ZNF468: variants seen among roughly 807,000 people sequenced by gnomAD.
ZNF468 encodes the protein zinc finger protein ZNF468.
ZNF468 carries 8 observed loss-of-function variants against 7.2 expected under a neutral mutation model. The ratio of observed to expected loss-of-function variants is 1.11; its 90% CI spans 0.65 to 2.01. The LOEUF (loss-of-function observed/expected upper bound fraction) is 2.01, where lower values mean the gene tolerates loss of function less well. ZNF468 is among the 30% of genes most tolerant of loss of function. ZNF468 has a pLI of 0.00. For missense variants in ZNF468, 608 were observed against 626.5 expected (o/e 0.97, Z 0.31); for synonymous variants, 218 against 214.4 (o/e 1.02, Z -0.15).
In ZNF468 at chr19:52,840,163, T is replaced by G; in HGVS notation, c.*562A>C. ...GTGAATTCTCCTATGTATTTGAAGC[T>G]GGATTTGTGAATGAAAACTTTGTCA... On this transcript the variant is annotated 3_prime_UTR_variant, in exon 4 of 4. Coordinates refer to ENST00000595646, the MANE Select transcript of ZNF468 (RefSeq NM_001008801.2). The G allele has an allele frequency of 2.4e-6, 1 of 412,026 alleles. No individual in the cohort carries two copies. Among genetic ancestry groups the G allele is most frequent in the Non-Finnish European group, 4.6e-6 (1 of 218,030 alleles). The allele number at this position is 412,026 out of a possible 1,614,324, so 25.5% of individuals were successfully genotyped here.
Position 52,838,330 on chromosome 19 carries a change from T to C in ZNF468, c.*2395A>G, listed in dbSNP as rs1345144001. The C allele has an allele frequency of 1.3e-5, 2 of 152,028 alleles. No homozygotes were observed. Among genetic ancestry groups the C allele is most frequent in the African/African-American group, 2.4e-5 (1 of 41,370 alleles). 9.4% of individuals were successfully genotyped at this position (152,028 alleles called of 1,614,324 possible). On this transcript the variant is annotated 3_prime_UTR_variant, in exon 4 of 4. Transcript: ENST00000595646. ...GTCATCATAGAAATCCCACACAAAATAGATACAGAAGAAAATTTACCTCAG... is the reference window on the plus strand; with the variant it reads ...GTCATCATAGAAATCCCACACAAAACAGATACAGAAGAAAATTTACCTCAG...
chr19:52,856,981 T>C (rs774649906), intron 1 of ZNF468, among the ~76,000 whole-genome samples: 2 of 151,828 alleles, frequency 1.3e-5, no homozygotes, highest in East Asian at 3.9e-4. Context: ...ATTTTCCAAG[T>C]GCTGGAGCTG....
At chr19:52,848,153 C>T (rs1321728355) in intron 3 of ZNF468, among the ~76,000 whole-genome samples, 1 of 152,210 alleles carries the variant, frequency 6.6e-6, no homozygotes, top group Non-Finnish European at 1.5e-5. Context: ...TTCCACTCTG[C>T]CCATCTGAGC....
At position 52,841,043 on chromosome 19, in the gene ZNF468, G is replaced by C. The variant is rs1187491512; in HGVS notation, c.1251C>G (p.Cys417Trp). ...GEKPYKCEEC[C>W]KVFSRKSNLE... The stretch of plus-strand genomic sequence containing the variant: ...GGTTTGATTTGCGACTGAAAACTTT[G>C]CAACATTCTTCACATTTGTAAGGTT... The change falls in exon 4 of 4, where the codon TGC becomes TGG. Residue 417 changes from cysteine (C) to tryptophan (W), a missense_variant. By Grantham distance (215) the Cys-to-Trp change is radical. Transcript: ENST00000595646. 5.6e-6 allele frequency: 9 copies of C among 1,612,876 alleles called. No individual in the cohort carries two copies. The highest frequency in any genetic ancestry group is 4.0e-5 in the African/African-American group (3 of 74,800).
intron 1 of ZNF468, among the ~76,000 whole-genome samples, chr19:52,857,363 G>A (rs576375683): frequency 3.2e-4 from 48 of 152,196 alleles, no homozygotes; most frequent in East Asian, 2.5e-3. Context: ...ATTGCCCTAT[G>A]GCAGAAAGAC....
intron 3 of ZNF468, among the ~76,000 whole-genome samples, chr19:52,842,592 A>C (rs2063313477): frequency 6.6e-6 from 1 of 152,062 alleles, no homozygotes; most frequent in Non-Finnish European, 1.5e-5. Flanking sequence ...CTCTTGTAAG[A>C]ATAACCAAAA....
chr19:52,842,117 C>G lies in ZNF468; in HGVS notation c.177G>C (p.Ser59=). ...ISSKCMLKTL[S]STGQGNTEVI... ...CTTCTGTATTGCCTTGCCCTGTTGA[C>G]GACAACGTCTTCAACATGCATTTGG... is the stretch of plus-strand genomic sequence containing the variant. The change falls in exon 4 of 4, where the codon TCG becomes TCC. Residue 59 remains serine (S), a synonymous_variant. Coordinates refer to ENST00000595646, the MANE Select transcript of ZNF468 (RefSeq NM_001008801.2). The G allele has an allele frequency of 6.3e-7, 1 of 1,595,906 alleles. No individual in the cohort carries two copies. Among genetic ancestry groups the G allele is most frequent in the South Asian group, 1.1e-5 (1 of 88,480 alleles).
chr19:52,857,155 C>T (rs7257101), intron 1 of ZNF468, among the ~76,000 whole-genome samples: 87 of 151,914 alleles, frequency 5.7e-4, no homozygotes, highest in African/African-American at 1.9e-3. Context: ...GGGTGGGATC[C>T]GCAGGATCCC....
Position 52,849,136 on chromosome 19 carries a change from A to C in ZNF468, c.93T>G (p.Thr31=), listed in dbSNP as rs749188737. The change falls in exon 3 of 4, where the codon ACT becomes ACG. Residue 31 remains threonine, a synonymous_variant. Coordinates refer to ENST00000595646, the MANE Select transcript of ZNF468 (RefSeq NM_001008801.2). ...TCTCCAGCATCACGTCCCTGTATAA[A>C]GTCCTCTGAGCAGGGTCCAGGCATT... ...EWKCLDPAQR[T]LYRDVMLENY... is the part of the protein sequence containing the mutation. 2 of 1,614,024 alleles carry C rather than the reference A, an allele frequency of 1.2e-6. No individual in the cohort carries two copies. Among genetic ancestry groups the C allele is most frequent in the South Asian group, 2.2e-5 (2 of 91,072 alleles).
At chr19:52,850,644 A>G (rs1382200956) in intron 2 of ZNF468, among the ~76,000 whole-genome samples, 2 of 152,134 alleles carry the variant, frequency 1.3e-5, no homozygotes, top group Non-Finnish European at 2.9e-5. Context: ...TCACGCCTGT[A>G]ATCCCAGCAC....
rs1016383661 is a variant in ZNF468 at position 52,838,931 on chromosome 19, T to C, written c.*1794A>G. 6.6e-6 allele frequency: 1 copy of C among 152,150 alleles called. No homozygotes were observed. The highest frequency in any genetic ancestry group is 2.4e-5 in the African/African-American group (1 of 41,414). 9.4% of individuals were successfully genotyped at this position (152,150 alleles called of 1,614,324 possible). A position where few individuals can be genotyped will look rare whatever the true frequency, so the allele number is the denominator to read the frequency against. On this transcript the variant is annotated 3_prime_UTR_variant, in exon 4 of 4. Transcript: ENST00000595646. ...TGATTTAGATTCGGTACAATACTCA[T>C]AGAAGTCTCTATAACTTTTTGTTAA...
In ZNF468 at chr19:52,839,844, A is replaced by C; in HGVS notation, c.*881T>G. 4.8e-6 allele frequency: 3 copies of C among 621,218 alleles called. No homozygotes were observed. The highest frequency in any genetic ancestry group is 8.4e-6 in the Non-Finnish European group (3 of 358,052). 38.5% of individuals were successfully genotyped at this position (621,218 alleles called of 1,614,324 possible). A position where few individuals can be genotyped will look rare whatever the true frequency, so the allele number is the denominator to read the frequency against. ...AAATGCAAGGCATGAACGATGTCTG[A>C]AAAATTTGCCACATTTATTACACTT... On this transcript the variant is annotated 3_prime_UTR_variant, in exon 4 of 4. Transcript: ENST00000595646.
intron 2 of ZNF468, among the ~76,000 whole-genome samples, chr19:52,850,865 C>CCGCAG (rs1568681948): frequency 1.3e-5 from 2 of 151,814 alleles, no homozygotes; most frequent in Admixed American, 6.6e-5. Flanking sequence ...CGCCACTGCA[C>CCGCAG]TCCAGCCTGG....
intron 3 of ZNF468, among the ~76,000 whole-genome samples, chr19:52,842,434 C>A (rs1391989796): frequency 6.6e-6 from 1 of 151,988 alleles, no homozygotes; most frequent in African/African-American, 2.4e-5. Context: ...CCACTGTGAC[C>A]CTAAAGTGTG....
intron 1 of ZNF468, among the ~76,000 whole-genome samples, chr19:52,856,294 G>C (rs945275479): frequency 1.3e-5 from 2 of 151,988 alleles, no homozygotes; most frequent in East Asian, 1.9e-4. Flanking sequence ...GTGGAGGTGG[G>C]TGGATTACCT....
chr19:52,854,056 C>T, intron 2 of ZNF468: 5 of 1,504,946 alleles, frequency 3.3e-6, no homozygotes, highest in Non-Finnish European at 4.4e-6. Context: ...CCAGGACCTG[C>T]CCAGTGCAGC....
Position 52,841,172 on chromosome 19 carries a change from A to T in ZNF468, c.1122T>A (p.His374Gln). The T allele has an allele frequency of 6.2e-7, 1 of 1,612,558 alleles. No homozygotes were observed. The highest frequency in any genetic ancestry group is 8.5e-7 in the Non-Finnish European group (1 of 1,179,404). Residue 374 changes from histidine to glutamine, a missense_variant, in exon 4 of 4, where the codon CAT becomes CAA. By Grantham distance (24) the His-to-Gln change is conservative (BLOSUM62 0). Coordinates refer to ENST00000595646, the MANE Select transcript of ZNF468 (RefSeq NM_001008801.2). Reference protein sequence around the residue: ...FNRLSTLARHHRLHTGEKPYK... With the variant: ...FNRLSTLARHQRLHTGEKPYK... ...AAGGTTTCTCTCCAGTATGAAGTCT[A>T]TGATGGCGTGCAAGGGTTGATAGTC...
At position 52,841,617 on chromosome 19, in the gene ZNF468, CA is replaced by C. The variant is rs773464176; in HGVS notation, c.676del (p.Cys226AlafsTer5). On this transcript the variant is annotated frameshift_variant, in exon 4 of 4. Transcript: ENST00000595646. LOFTEE classifies it low-confidence loss of function (END_TRUNC). Reference sequence around the variant, plus strand: ...CTGATGTTTTTTTAAGAGTGAGCTGCAATTAAAGGATTTGAAGCTCTGTATA... The same window carrying C: ...CTGATGTTTTTTTAAGAGTGAGCTGCATTAAAGGATTTGAAGCTCTGTATA... Reference protein sequence around the residue: ...ECIQSFKSFNCSSLLKKHQII... With the variant: ...ECIQSFKSFNXSSLLKKHQII... 1.4e-4 allele frequency: 218 copies of C among 1,613,802 alleles called. No individual in the cohort carries two copies. The highest frequency in any genetic ancestry group is 1.7e-4 in the Non-Finnish European group (205 of 1,179,978).
rs560984762 is a variant in ZNF468, at chr19:52,839,563, G to C, written c.*1162C>G. ...CAACTGTCTCCAAAAGGAATTGTCT[G>C]ATGGTCTGCAAGGAGTGACCTTGGA... On this transcript the variant is annotated 3_prime_UTR_variant, in exon 4 of 4. Coordinates refer to ENST00000595646, the MANE Select transcript of ZNF468 (RefSeq NM_001008801.2). The C allele has an allele frequency of 1.9e-6, 1 of 521,440 alleles. No individual in the cohort carries two copies. Among genetic ancestry groups the C allele is most frequent in the East Asian group, 5.2e-5 (1 of 19,260 alleles). 32.3% of individuals were successfully genotyped at this position (521,440 alleles called of 1,614,324 possible). A position where few individuals can be genotyped will look rare whatever the true frequency, so the allele number is the denominator to read the frequency against.
Sources: gnomAD v4.1 joint callset for allele counts (sites outside exome capture counted in the v4.1 genomes callset) on GRCh38, gnomAD v4.1.1 for gene constraint, MANE v1.5 for transcripts, NCBI Gene and HGNC (gene_info 2026-07-23, HGNC 2026-07-21) for gene names.